Variants in NKAIN3 observed in about 807,000 individuals in gnomAD.
NKAIN3 encodes the protein sodium/potassium-transporting ATPase subunit beta-1-interacting protein 3.
In NKAIN3, 25 loss-of-function variants were observed where a neutral mutation model predicts 30.2. The observed-to-expected ratio is 0.83, with a 90% confidence interval of 0.60 to 1.16. The LOEUF is 1.16. NKAIN3 is among the 50% of genes most tolerant of loss of function. The pLI, the probability that NKAIN3 is intolerant of heterozygous loss-of-function variation, is 0.00. For synonymous variants in NKAIN3, 91 were observed against 89.6 expected, an observed-to-expected ratio of 1.02 and a Z score of -0.09; for missense variants, 225 against 254.1, an observed-to-expected ratio of 0.89 and a Z score of 0.78.
intron 5 of NKAIN3, among the ~76,000 whole-genome samples, chr8:62,993,968 C>T (rs767601072): frequency 2.6e-5 from 4 of 152,132 alleles, no homozygotes; most frequent in Non-Finnish European, 5.9e-5. Flanking sequence ...TGGTTTAATG[C>T]CCTTACATTA....
At chr8:62,942,287 T>C (rs1035725558) in intron 5 of NKAIN3, among the ~76,000 whole-genome samples, 3 of 145,182 alleles carry the variant, frequency 2.1e-5, no homozygotes, top group East Asian at 2.0e-4. Context: ...TATATACACA[T>C]ATATATATAC....
chr8:62,664,360 C>G (rs2130368560), intron 3 of NKAIN3, among the ~76,000 whole-genome samples: 1 of 152,226 alleles, frequency 6.6e-6, no homozygotes, highest in East Asian at 1.9e-4. Flanking sequence ...ATCTGAATTT[C>G]CTGTGATTCC....
intron 4 of NKAIN3, chr8:62,863,605 G>T (rs1820323892): frequency 8.4e-7 from 1 of 1,190,958 alleles, no homozygotes; most frequent in African/African-American, 1.5e-5. Flanking sequence ...AAATCTTGAA[G>T]TCAACGAGCT....
At chr8:62,675,059 A>G (rs1453084101) in intron 3 of NKAIN3, among the ~76,000 whole-genome samples, 3 of 152,178 alleles carry the variant, frequency 2.0e-5, no homozygotes, top group African/African-American at 7.2e-5. Flanking sequence ...GTCTGGGAGC[A>G]TGGAAGTTAA....
chr8:62,568,388 A>G (rs901040266), intron 1 of NKAIN3, among the ~76,000 whole-genome samples: 16 of 152,302 alleles, frequency 1.1e-4, no homozygotes, highest in African/African-American at 2.6e-4. Flanking sequence ...TGTCATATAC[A>G]TAGTATTACT....
chr8:62,687,700 T>C (rs543124808), intron 3 of NKAIN3, among the ~76,000 whole-genome samples: 1 of 152,202 alleles, frequency 6.6e-6, no homozygotes, highest in African/African-American at 2.4e-5. Context: ...CCATATTTCA[T>C]TCATCTAATT....
At chr8:62,781,169 T>G (rs554450828) in intron 4 of NKAIN3, among the ~76,000 whole-genome samples, 1 of 151,666 alleles carries the variant, frequency 6.6e-6, no homozygotes, top group Non-Finnish European at 1.5e-5. Flanking sequence ...AGAAGGCAAT[T>G]CCATTTAAAA....
At chr8:62,503,366 C>G (rs1042240384) in intron 1 of NKAIN3, among the ~76,000 whole-genome samples, 2 of 152,148 alleles carry the variant, frequency 1.3e-5, no homozygotes, top group Non-Finnish European at 2.9e-5. Context: ...GAGCAAAGAT[C>G]ACATGCTTCT....
intron 3 of NKAIN3, among the ~76,000 whole-genome samples, chr8:62,697,633 A>G (rs1269539073): frequency 2.0e-5 from 3 of 152,104 alleles, no homozygotes; most frequent in Admixed American, 6.5e-5. Context: ...TCTAGAACAT[A>G]TGCTCTTGAT....
chr8:62,657,095 G>T (rs1238435219), intron 3 of NKAIN3, among the ~76,000 whole-genome samples: 1 of 152,104 alleles, frequency 6.6e-6, no homozygotes, highest in Non-Finnish European at 1.5e-5. Flanking sequence ...GCTAGAAACA[G>T]TATTTAAACA....
chr8:62,291,088 C>A (rs543555876), intron 1 of NKAIN3, among the ~76,000 whole-genome samples: 1 of 152,036 alleles, frequency 6.6e-6, no homozygotes, highest in African/African-American at 2.4e-5. Context: ...GGTGATATCC[C>A]CCTTATCATT....
intron 4 of NKAIN3, among the ~76,000 whole-genome samples, chr8:62,870,169 T>C (rs1183669680): frequency 7.2e-6 from 1 of 138,736 alleles, no homozygotes; most frequent in Non-Finnish European, 1.6e-5. Context: ...CTTTGCCTTA[T>C]AATCCTGTGA....
chr8:62,675,525 TATTTAAAC>T (rs1813446732), intron 3 of NKAIN3, among the ~76,000 whole-genome samples: 1 of 152,154 alleles, frequency 6.6e-6, no homozygotes, highest in South Asian at 2.1e-4. Flanking sequence ...AGGGCAACCA[TATTTAAAC>T]CACCCACACC....
At chr8:62,469,835 A>T (rs1806276898) in intron 1 of NKAIN3, among the ~76,000 whole-genome samples, 1 of 152,174 alleles carries the variant, frequency 6.6e-6, no homozygotes, top group African/African-American at 2.4e-5. Flanking sequence ...CTATTCTGGC[A>T]GGTCAGGGAA....
intron 3 of NKAIN3, among the ~76,000 whole-genome samples, chr8:62,707,259 G>T (rs1262995881): frequency 6.6e-6 from 1 of 152,024 alleles, no homozygotes; most frequent in Non-Finnish European, 1.5e-5. Context: ...TGGGATTGTT[G>T]AATAAAATGG....
intron 4 of NKAIN3, among the ~76,000 whole-genome samples, chr8:62,870,244 AGATATC>A (rs1330233229): frequency 1.2e-4 from 14 of 119,866 alleles, no homozygotes; most frequent in African/African-American, 4.7e-4. Flanking sequence ...AGATATCTAT[AGATATC>A]TATATATATA....
intron 1 of NKAIN3, among the ~76,000 whole-genome samples, chr8:62,345,316 CACAT>C (rs1815901056): frequency 1.6e-5 from 1 of 61,160 alleles, no homozygotes; most frequent in Non-Finnish European, 4.2e-5. Flanking sequence ...TATATATACA[CACAT>C]ATATACACAT....
At chr8:62,920,973 A>C (rs1297563660) in intron 5 of NKAIN3, among the ~76,000 whole-genome samples, 1 of 152,152 alleles carries the variant, frequency 6.6e-6, no homozygotes, top group African/African-American at 2.4e-5. Context: ...AGATGTAATT[A>C]AGTTGTCCCA....
chr8:62,406,047 C>T (rs1172886466), intron 1 of NKAIN3, among the ~76,000 whole-genome samples: 1 of 152,178 alleles, frequency 6.6e-6, no homozygotes. Context: ...TGGCTCACTA[C>T]AGTAAAACCA....
Sources: allele counts gnomAD v4.1 joint callset (sites outside exome capture counted in the v4.1 genomes callset), GRCh38; gene constraint gnomAD v4.1.1; transcripts MANE v1.5; gene names NCBI Gene and HGNC (gene_info 2026-07-23, HGNC 2026-07-21).